Variants in FSHR observed in about 807,000 individuals in gnomAD.
FSHR encodes follicle stimulating hormone receptor.
In FSHR, 46 loss-of-function variants were observed where a neutral mutation model predicts 52.1. The observed-to-expected ratio is 0.88, with a 90% CI of 0.70 to 1.13. The LOEUF (loss-of-function observed/expected upper bound fraction) is 1.13. FSHR is among the 50% of genes most tolerant of loss of function. The pLI is 0.00. For missense variants in FSHR, 964 were observed against 834.6 expected (o/e 1.16, Z -1.91); for synonymous variants, 399 against 309.6 (o/e 1.29, Z -3.03).
At chr2:49,043,067 C>A (rs1037780166) in intron 2 of FSHR, among the ~76,000 whole-genome samples, 1 of 152,224 alleles carries the variant, frequency 6.6e-6, no homozygotes, top group Non-Finnish European at 1.5e-5. Context: ...ATTCACTTGA[C>A]TTCCTCTAGG....
intron 8 of FSHR, among the ~76,000 whole-genome samples, chr2:48,982,134 C>T (rs1012689304): frequency 6.6e-6 from 1 of 152,106 alleles, no homozygotes; most frequent in African/African-American, 2.4e-5. Flanking sequence ...TGTCCCCCCA[C>T]CAAAGAAGCC....
At chr2:49,111,428 C>T (rs773422699) in intron 1 of FSHR, among the ~76,000 whole-genome samples, 1 of 152,168 alleles carries the variant, frequency 6.6e-6, no homozygotes, top group Non-Finnish European at 1.5e-5. Flanking sequence ...TAATCATCTA[C>T]TTGCAGCTCA....
intron 1 of FSHR, among the ~76,000 whole-genome samples, chr2:49,099,532 T>A (rs528923254): frequency 1.3e-5 from 2 of 152,266 alleles, no homozygotes; most frequent in South Asian, 4.1e-4. Flanking sequence ...CATGACCTTA[T>A]TTGAAAATAG....
At chr2:49,125,280 C>A (rs1183973840) in intron 1 of FSHR, among the ~76,000 whole-genome samples, 1 of 151,906 alleles carries the variant, frequency 6.6e-6, no homozygotes, top group Non-Finnish European at 1.5e-5. Flanking sequence ...TCTTGGGCCA[C>A]ACGTAAACTA....
chr2:49,040,603 G>A (rs1212684092), intron 2 of FSHR, among the ~76,000 whole-genome samples: 1 of 152,124 alleles, frequency 6.6e-6, no homozygotes, highest in Non-Finnish European at 1.5e-5. Flanking sequence ...TTGTCTATGT[G>A]GAGAGAGGTA....
intron 9 of FSHR, 95 bp downstream of exon 9, chr2:48,968,603 C>A (rs1674585661): frequency 1.4e-6 from 2 of 1,437,366 alleles, no homozygotes; most frequent in South Asian, 1.2e-5. Context: ...GAACTCTCTG[C>A]AAGTAGATTC....
intron 2 of FSHR, among the ~76,000 whole-genome samples, chr2:49,067,531 C>T (rs1042655997): frequency 3.3e-5 from 5 of 152,004 alleles, no homozygotes; most frequent in Admixed American, 6.6e-5. Flanking sequence ...AACATATTTC[C>T]CTGGCCCTGA....
chr2:49,079,519 A>G (rs1441164791), intron 1 of FSHR, among the ~76,000 whole-genome samples: 1 of 152,154 alleles, frequency 6.6e-6, no homozygotes, highest in Non-Finnish European at 1.5e-5. Flanking sequence ...GAGTGATTAA[A>G]ATATTATGAT....
intron 2 of FSHR, among the ~76,000 whole-genome samples, chr2:49,052,050 A>T (rs1159289726): frequency 6.6e-6 from 1 of 152,164 alleles, no homozygotes; most frequent in East Asian, 1.9e-4. Context: ...ACAAAATCAA[A>T]CAAAGAAACG....
rs551554398 is a variant in FSHR at position 49,149,647 on chromosome 2, C to T, written c.152+4619G>A. Among the ~76,000 whole-genome samples, 22 of 152,182 alleles carry T rather than the reference C, an allele frequency of 1.4e-4. 2 individuals are homozygous for T. The South Asian group carries it at 3.9e-3, about 27-fold the overall frequency. ...CTACCCTTTTTGTACACGATTGATA[C>T]ATCCCTCTGAACTAAGGACCTATTA... On this transcript the variant is annotated intron_variant, in intron 1 of 9. Transcript: ENST00000406846.
chr2:49,074,012 A>C (rs529229256), intron 1 of FSHR, among the ~76,000 whole-genome samples: 1 of 152,132 alleles, frequency 6.6e-6, no homozygotes, highest in African/African-American at 2.4e-5. Flanking sequence ...CTATACTTCC[A>C]CCTCTCATTC....
intron 1 of FSHR, among the ~76,000 whole-genome samples, chr2:49,092,735 G>A (rs899907178): frequency 3.9e-5 from 6 of 151,988 alleles, no homozygotes; most frequent in African/African-American, 1.5e-4. Context: ...GGGTGATCTC[G>A]GCTCACTGCA....
intron 1 of FSHR, among the ~76,000 whole-genome samples, chr2:49,140,218 G>A (rs1240598550): frequency 6.6e-6 from 1 of 152,146 alleles, no homozygotes; most frequent in Non-Finnish European, 1.5e-5. Flanking sequence ...GATCCCTCAT[G>A]AATGGCTTGG....
At chr2:49,084,521 C>CA (rs1208371704) in intron 1 of FSHR, among the ~76,000 whole-genome samples, 1 of 151,712 alleles carries the variant, frequency 6.6e-6, no homozygotes, top group Non-Finnish European at 1.5e-5. Flanking sequence ...GAAATAGAGA[C>CA]AAAAAAACCT....
intron 2 of FSHR, among the ~76,000 whole-genome samples, chr2:49,027,742 C>T (rs1037512711): frequency 6.0e-5 from 9 of 150,652 alleles, no homozygotes; most frequent in African/African-American, 1.5e-4. Context: ...CTGAGCTGCT[C>T]GAGAGGCTGA....
intron 2 of FSHR, among the ~76,000 whole-genome samples, chr2:49,041,203 T>TTCA (rs1461073736): frequency 3.3e-5 from 5 of 152,220 alleles, no homozygotes; most frequent in African/African-American, 1.2e-4. Flanking sequence ...TCTGATTTTT[T>TTCA]TCATACAGCG....
chr2:49,016,321 A>G (rs1272431620), intron 4 of FSHR, among the ~76,000 whole-genome samples: 1 of 152,162 alleles, frequency 6.6e-6, no homozygotes, highest in Non-Finnish European at 1.5e-5. Context: ...AGCTTTTCCC[A>G]TCAAGAAGTA....
chr2:49,117,134 G>A (rs1308612754), intron 1 of FSHR, among the ~76,000 whole-genome samples: 5 of 152,130 alleles, frequency 3.3e-5, no homozygotes, highest in Admixed American at 1.3e-4. Context: ...AGAAAAAAAG[G>A]TTCACAGGAG....
chr2:48,987,837 A>AACAC (rs72108367), intron 6 of FSHR, among the ~76,000 whole-genome samples: 24,533 of 145,944 alleles, frequency 0.17, 2,548 homozygotes, highest in African/African-American at 0.31. Context: ...ACCTCATCTC[A>AACAC]ACACACACAC....
Sources: allele counts gnomAD v4.1 joint callset (sites outside exome capture counted in the v4.1 genomes callset), GRCh38; gene constraint gnomAD v4.1.1; transcripts MANE v1.5; gene names NCBI Gene and HGNC (gene_info 2026-07-23, HGNC 2026-07-21).